Variants in MTUS2 observed in about 807,000 individuals in gnomAD.
MTUS2 encodes the protein microtubule associated scaffold protein 2.
Under a neutral mutation model 114.1 loss-of-function variants are expected in MTUS2, and 40 were observed. The observed-to-expected ratio is 0.35, with a 90% CI of 0.27 to 0.46. The LOEUF is 0.46. MTUS2 is among the 20% of genes least tolerant of loss of function. The pLI is 1.00. For synonymous variants in MTUS2, 688 were observed against 672.0 expected (o/e 1.02, Z -0.37); for missense variants, 1,679 against 1,705.4 (o/e 0.98, Z 0.27).
intron 10 of MTUS2, chr13:29,487,443 G>T (rs989370533): frequency 6.3e-6 from 1 of 158,508 alleles, no homozygotes; most frequent in Admixed American, 6.2e-5. Context: ...GGCTCTGAGG[G>T]TTAAGTAGAG....
chr13:28,886,810 A>G (rs1185854644), intron 2 of MTUS2, among the ~76,000 whole-genome samples: 1 of 152,192 alleles, frequency 6.6e-6, no homozygotes, highest in African/African-American at 2.4e-5. Context: ...ATTCATTCTC[A>G]CCATTGAGAC....
Position 29,027,038 on chromosome 13 carries a change from TG to T in MTUS2, c.2205+137del, listed in dbSNP as rs991966770. On this transcript the variant is annotated intron_variant, in intron 3 of 15. Coordinates refer to ENST00000612955, the MANE Select transcript of MTUS2 (RefSeq NM_001033602.4). ...TTTCATGGATACACTTGTGAAGAAA[TG>T]GAGTTTTTGACTAGAGGAGATTGTC... 6.2e-6 allele frequency: 6 copies of T among 967,862 alleles called. No homozygotes were observed. In the Admixed American group the frequency reaches 1.9e-4, roughly 31 times the overall value. 60.0% of individuals were successfully genotyped at this position (967,862 alleles called of 1,614,324 possible).
chr13:29,332,044 G>A lies in MTUS2; in HGVS notation c.2905+7333G>A, dbSNP rs576228430. Among the ~76,000 whole-genome samples the A allele has an allele frequency of 2.0e-5, 3 of 152,288 alleles. No individual in the cohort carries two copies. In the South Asian group the frequency reaches 6.2e-4, roughly 32 times the overall value. ...TCTTTTTTTGTTGTGTCTCTGACAG[G>A]TTTTGATATCAGGATGATGCTGGCC... On this transcript the variant is annotated intron_variant, in intron 7 of 15. Transcript: ENST00000612955.
At chr13:29,102,181 G>A (rs929370792) in intron 5 of MTUS2, among the ~76,000 whole-genome samples, 7 of 152,186 alleles carry the variant, frequency 4.6e-5, no homozygotes, top group African/African-American at 1.4e-4. Flanking sequence ...TGTAATTCAT[G>A]TTTTGAGATA....
At chr13:29,330,656 G>A (rs1199044715) in intron 7 of MTUS2, among the ~76,000 whole-genome samples, 2 of 151,990 alleles carry the variant, frequency 1.3e-5, no homozygotes, top group Admixed American at 6.5e-5. Flanking sequence ...TGCATATGGC[G>A]AGCCAGTTTT....
intron 5 of MTUS2, among the ~76,000 whole-genome samples, chr13:29,165,949 T>C (rs1893298053): frequency 6.6e-6 from 1 of 152,028 alleles, no homozygotes; most frequent in Non-Finnish European, 1.5e-5. Context: ...GTTCAAGAGG[T>C]TATGGACGAG....
At chr13:29,166,211 A>G (rs1032462035) in intron 5 of MTUS2, among the ~76,000 whole-genome samples, 1 of 152,218 alleles carries the variant, frequency 6.6e-6, no homozygotes, top group Non-Finnish European at 1.5e-5. Context: ...TTTTACATGT[A>G]TAATATTTAC....
intron 5 of MTUS2, among the ~76,000 whole-genome samples, chr13:29,171,652 A>G (rs1893567639): frequency 1.3e-5 from 2 of 152,208 alleles, no homozygotes; most frequent in South Asian, 2.1e-4. Context: ...TATGGTTTGA[A>G]CAAGATAGAA....
intron 2 of MTUS2, among the ~76,000 whole-genome samples, chr13:28,976,743 G>A (rs377001077): frequency 2.0e-4 from 31 of 152,328 alleles, no homozygotes; most frequent in African/African-American, 7.0e-4. Flanking sequence ...TATATTATAT[G>A]TATACTAGGG....
intron 1 of MTUS2, among the ~76,000 whole-genome samples, chr13:28,829,983 T>G (rs1020240457): frequency 6.6e-6 from 1 of 152,160 alleles, no homozygotes; most frequent in Non-Finnish European, 1.5e-5. Context: ...GTAAACTACC[T>G]GCTGGAGTGT....
Position 28,945,179 on chromosome 13 carries a change from T to TTATATATA in MTUS2, c.-242-79269_-242-79262dup, listed in dbSNP as rs33929048. Among the ~76,000 whole-genome samples the TTATATATA allele has an allele frequency of 1.9e-3, 282 of 147,246 alleles. 3 individuals carry two copies. In the East Asian group the frequency reaches 0.037, roughly 19 times the overall value. ...TTTTTTATGGATGAGTAGTATTCCA[T>TTATATATA]TATATATATATATATACACCACATT... is the stretch of plus-strand genomic sequence containing the variant. On this transcript the variant is annotated intron_variant, in intron 2 of 15. Transcript: ENST00000612955.
chr13:28,974,151 A>C (rs1399746517), intron 2 of MTUS2, among the ~76,000 whole-genome samples: 1 of 152,168 alleles, frequency 6.6e-6, no homozygotes, highest in African/African-American at 2.4e-5. Context: ...GTAGTTTCTT[A>C]TGGTAAGTTT....
At chr13:29,345,457 G>A (rs4769725) in intron 7 of MTUS2, among the ~76,000 whole-genome samples, 110,366 of 151,130 alleles carry the variant, frequency 0.73, 44,327 homozygotes, top group East Asian at 0.9. Flanking sequence ...ATTGGTGACA[G>A]TTTCCAGTGT....
chr13:29,498,585 C>T (rs776277606), intron 14 of MTUS2, 48 bp downstream of exon 14: 1 of 1,609,112 alleles, frequency 6.2e-7, no homozygotes, highest in South Asian at 1.1e-5. Flanking sequence ...GACATTCCTG[C>T]TGTCATCACT....
chr13:28,828,541 A>G (rs182040570), intron 1 of MTUS2, among the ~76,000 whole-genome samples: 1 of 152,336 alleles, frequency 6.6e-6, no homozygotes, highest in Non-Finnish European at 1.5e-5. Flanking sequence ...AAATTATAAA[A>G]TTATTAATTT....
chr13:29,235,055 C>T (rs187207922), intron 5 of MTUS2, among the ~76,000 whole-genome samples: 1 of 151,942 alleles, frequency 6.6e-6, no homozygotes, highest in Admixed American at 6.5e-5. Flanking sequence ...ATATCATCTG[C>T]AAGTAATGGT....
At chr13:29,359,714 T>G (rs9508404) in intron 8 of MTUS2, among the ~76,000 whole-genome samples, 123,003 of 152,132 alleles carry the variant, frequency 0.81, 51,421 homozygotes, top group East Asian at 0.91. Context: ...CATTCCAAAA[T>G]ACGAAATTAT....
chr13:29,250,235 T>C (rs1897075526), intron 5 of MTUS2, among the ~76,000 whole-genome samples: 1 of 152,096 alleles, frequency 6.6e-6, no homozygotes, highest in Admixed American at 6.6e-5. Flanking sequence ...TGTTGTGGTG[T>C]CATTGGCTCT....
chr13:29,026,100 A>G lies in MTUS2; in HGVS notation c.1402A>G (p.Met468Val). ...GGGCAGTGGGAATAAGGACAGTGTT[A>G]TGGTTTTGGTGTTCAATCCTTCTGT... ...RLGSGNKDSVMVLVFNPSVGE... is the reference protein window; with the variant it reads ...RLGSGNKDSVVVLVFNPSVGE... The change falls in exon 3 of 16, where the codon ATG becomes GTG. Residue 468 changes from methionine (M) to valine (V), a missense_variant. This residue lies in a region of MTUS2 where 843 missense variants were observed against 770.8 expected (regional missense o/e 1.09). Transcript: ENST00000612955. 6.2e-7 allele frequency: 1 copy of G among 1,613,984 alleles called. No individual in the cohort carries two copies. Among genetic ancestry groups the G allele is most frequent in the Non-Finnish European group, 8.5e-7 (1 of 1,179,876 alleles).
Sources: gnomAD v4.1 joint callset for allele counts (sites outside exome capture counted in the v4.1 genomes callset) on GRCh38, gnomAD v4.1.1 for gene constraint, gnomAD v4.1.1 regional missense constraint, MANE v1.5 for transcripts, NCBI Gene and HGNC (gene_info 2026-07-23, HGNC 2026-07-21) for gene names.